ZNF274: variants seen among roughly 807,000 people sequenced by gnomAD.
The protein encoded by ZNF274 is zinc finger protein 274.
Under a neutral mutation model 42.5 loss-of-function variants are expected in ZNF274, and 23 were observed. The observed-to-expected ratio is 0.54, with a 90% CI of 0.39 to 0.77. The LOEUF (loss-of-function observed/expected upper bound fraction) is 0.77, where lower values mean the gene tolerates loss of function less well. Among genes scored for constraint, ZNF274 ranks in the 30% least tolerant of loss-of-function variants. The pLI is 0.00. For synonymous variants in ZNF274, 292 were observed against 305.4 expected (o/e 0.96, Z 0.46); for missense variants, 679 against 806.5 (o/e 0.84, Z 1.91).
intron 4 of ZNF274, among the ~76,000 whole-genome samples, chr19:58,199,706 C>G (rs2075887146): frequency 6.6e-6 from 1 of 152,188 alleles, no homozygotes; most frequent in Non-Finnish European, 1.5e-5. Flanking sequence ...GTGCGAGATT[C>G]CATCTCAAAA....
intron 4 of ZNF274, among the ~76,000 whole-genome samples, chr19:58,195,898 C>T (rs1205418739): frequency 6.6e-6 from 1 of 152,180 alleles, no homozygotes. Flanking sequence ...TGGTAATGCT[C>T]ATTTGCCTGC....
In ZNF274 at chr19:58,212,575, G is replaced by C. The variant is rs368098564; in HGVS notation, c.1394G>C (p.Arg465Pro). 3 of 1,614,014 alleles carry C rather than the reference G, an allele frequency of 1.9e-6. 1 individual carries two copies. In the South Asian group the frequency reaches 3.3e-5, roughly 18 times the overall value. ...GTTAAAAGTATGAAACATAATTCAC[G>C]TGTAAAAATTCATCAGAAGAGCTGT... is the stretch of plus-strand genomic sequence containing the variant. ...SQVKSMKHNS[R>P]VKIHQKSCER... The change falls in exon 8 of 8, where the codon CGT (arginine) becomes CCT (proline). Residue 465 changes from arginine to proline, a missense_variant. By Grantham distance (103) the Arg-to-Pro change is moderately radical. Coordinates refer to ENST00000617501, the MANE Select transcript of ZNF274 (RefSeq NM_133502.3). This position sits in a 1 kb window ranked among gnomAD's most constrained non-coding sequence, Gnocchi z 4.6.
At chr19:58,188,694 G>GTATGTATATATATATATATATATA (rs1555816898) in intron 4 of ZNF274, among the ~76,000 whole-genome samples, 3 of 74,656 alleles carry the variant, frequency 4.0e-5, no homozygotes, top group African/African-American at 5.4e-5. Flanking sequence ...ATATGTATAT[G>GTATGTATATATATATATATATATA]TATATATATA....
At chr19:58,186,005 C>A in intron 3 of ZNF274, 167 bp downstream of exon 3, 1 of 457,466 alleles carries the variant, frequency 2.2e-6, no homozygotes, top group East Asian at 3.8e-5. Context: ...CCCTGAATAC[C>A]AGGGAGATGG....
In ZNF274 at chr19:58,212,866, C is replaced by T; in HGVS notation, c.1685C>T (p.Pro562Leu). 1.2e-6 allele frequency: 2 copies of T among 1,613,976 alleles called. No homozygotes were observed. The highest frequency in any genetic ancestry group is 1.7e-6 in the Non-Finnish European group (2 of 1,179,892). ...QHQRVHSGER[P>L]FECQECGRTF... ...CAGAGAGTTCATTCTGGAGAGAGAC[C>T]ATTTGAATGTCAGGAGTGTGGGAGG... The change falls in exon 8 of 8, where the codon CCA becomes CTA. Residue 562 changes from proline (P) to leucine (L), a missense_variant. Pro to Leu is a moderately conservative substitution (Grantham distance 98). This residue lies in a region of ZNF274 where 456 missense variants were observed against 590.1 expected (regional missense o/e 0.77). Coordinates refer to ENST00000617501, the MANE Select transcript of ZNF274 (RefSeq NM_133502.3). This position sits in a 1 kb window ranked among gnomAD's most constrained non-coding sequence, Gnocchi z 4.6.
intron 4 of ZNF274, among the ~76,000 whole-genome samples, chr19:58,205,443 C>T (rs1245483630): frequency 1.3e-5 from 2 of 152,118 alleles, no homozygotes; most frequent in African/African-American, 4.8e-5. Flanking sequence ...TTATTGGGCC[C>T]AAGCAGCCCT....
At position 58,211,505 on chromosome 19, in the gene ZNF274, C is replaced by T. The variant is rs114856441; in HGVS notation, c.853-55C>T. The T allele has an allele frequency of 1.9e-3, 3,040 of 1,562,792 alleles. 32 individuals carry two copies. In the African/African-American group the frequency reaches 0.029, roughly 15 times the overall value. ...TCCCAGCTGGCCTTTCTTCTGCCCT[C>T]ATTGACAACCCTCTGACCCTCTTGC... On this transcript the variant is annotated intron_variant, in intron 6 of 7. Transcript: ENST00000617501. The surrounding 1 kb of genome is among the most constrained non-coding windows in gnomAD (Gnocchi z 4.8).
chr19:58,212,389 G>C lies in ZNF274; in HGVS notation c.1208G>C (p.Arg403Pro), dbSNP rs575347232. 1.2e-6 allele frequency: 2 copies of C among 1,613,702 alleles called. No homozygotes were observed. Among genetic ancestry groups the C allele is most frequent in the African/African-American group, 2.7e-5 (2 of 74,862 alleles). ...DLPQKKHFDN[R>P]ESQANSGALD... Reference sequence around the variant, plus strand: ...CCTCAGAAGAAGCACTTTGACAACCGTGAGTCCCAGGCAAACAGTGGTGCT... The same window carrying C: ...CCTCAGAAGAAGCACTTTGACAACCCTGAGTCCCAGGCAAACAGTGGTGCT... Residue 403 changes from arginine to proline, a missense_variant, in exon 8 of 8, where the codon CGT becomes CCT. By Grantham distance (103) the Arg-to-Pro change is moderately radical. Around this residue, in one of 2 missense-constraint regions of ZNF274, gnomAD observed 456 missense variants for 590.1 expected, o/e 0.77. Coordinates refer to ENST00000617501, the MANE Select transcript of ZNF274 (RefSeq NM_133502.3). The surrounding 1 kb of genome is among the most constrained non-coding windows in gnomAD (Gnocchi z 4.6).
At chr19:58,190,940 T>C (rs988029607) in intron 4 of ZNF274, among the ~76,000 whole-genome samples, 22 of 152,194 alleles carry the variant, frequency 1.4e-4, no homozygotes, top group Non-Finnish European at 2.8e-4. Flanking sequence ...CCCCCAACCT[T>C]TCTGGGGGCC....
At chr19:58,194,775 A>G (rs2075821095) in intron 4 of ZNF274, among the ~76,000 whole-genome samples, 1 of 152,092 alleles carries the variant, frequency 6.6e-6, no homozygotes, top group Non-Finnish European at 1.5e-5. Context: ...TGGGAGGCCA[A>G]GGCGGGTGGA....
chr19:58,188,676 G>GTGTATATATATA (rs1555816861), intron 4 of ZNF274, among the ~76,000 whole-genome samples: 2 of 79,748 alleles, frequency 2.5e-5, no homozygotes, highest in Non-Finnish European at 2.5e-5. Context: ...GTGTGTGTGT[G>GTGTATATATATA]TATATATATA....
intron 4 of ZNF274, among the ~76,000 whole-genome samples, chr19:58,195,887 A>G (rs1467123774): frequency 6.6e-6 from 1 of 152,132 alleles, no homozygotes; most frequent in Admixed American, 6.5e-5. Flanking sequence ...TGGAGCTCAG[A>G]TGGTAATGCT....
rs1191012941 is a variant in ZNF274, at chr19:58,206,711, G to A, written c.257-9G>A. On this transcript the variant is annotated splice_polypyrimidine_tract_variant and intron_variant, in intron 4 of 7. Transcript: ENST00000617501. The stretch of plus-strand genomic sequence containing the variant: ...TTCTCATTTGTCTTGCTCTGCTTTT[G>A]ACTTACAGAGTATCCTGAGCTCCAG... 6.4e-6 allele frequency: 10 copies of A among 1,555,528 alleles called. No homozygotes were observed. Among genetic ancestry groups the A allele is most frequent in the Non-Finnish European group, 7.8e-6 (9 of 1,149,638 alleles).
chr19:58,207,851 AG>A lies in ZNF274; in HGVS notation c.739+652del, dbSNP rs1418520658. Among the ~76,000 whole-genome samples the A allele has an allele frequency of 6.6e-6, 1 of 152,252 alleles. No homozygotes were observed. The highest frequency in any genetic ancestry group is 1.5e-5 in the Non-Finnish European group (1 of 68,050). On this transcript the variant is annotated intron_variant, in intron 5 of 7. Coordinates refer to ENST00000617501, the MANE Select transcript of ZNF274 (RefSeq NM_133502.3). This position sits in a 1 kb window ranked among gnomAD's most constrained non-coding sequence, Gnocchi z 5.6. ...AAGCAAAATGTTCTTCTAAAACAGTAGGGCTCGATCCCTGAGTTCCAGAAAC... is the reference window on the plus strand; with the variant it reads ...AAGCAAAATGTTCTTCTAAAACAGTAGGCTCGATCCCTGAGTTCCAGAAAC...
At position 58,188,620 on chromosome 19, in the gene ZNF274, AAT is replaced by A. The variant is rs60934983; in HGVS notation, c.256+1603_256+1604del. Reference sequence around the variant, plus strand: ...GACTCCATCTCAAAAAAAAAAAAAAAATATATATATATATATATATATATATG... The same window carrying A: ...GACTCCATCTCAAAAAAAAAAAAAAAATATATATATATATATATATATATG... On this transcript the variant is annotated intron_variant, in intron 4 of 7. Coordinates refer to ENST00000617501, the MANE Select transcript of ZNF274 (RefSeq NM_133502.3). Among the ~76,000 whole-genome samples the A allele has an allele frequency of 9.5e-3, 668 of 70,250 alleles. 8 individuals carry two copies. Among genetic ancestry groups the A allele is most frequent in the East Asian group, 0.026 (83 of 3,240 alleles). 46.1% of individuals were successfully genotyped at this position (70,250 alleles called of 152,430 possible). A position where few individuals can be genotyped will look rare whatever the true frequency, so the allele number is the denominator to read the frequency against.
In ZNF274 at chr19:58,210,028, G is replaced by A. The variant is rs774327143; in HGVS notation, c.807G>A (p.Glu269=). The A allele has an allele frequency of 3.1e-6, 5 of 1,613,708 alleles. No individual in the cohort carries two copies. Among genetic ancestry groups the A allele is most frequent in the Admixed American group, 1.7e-5 (1 of 60,002 alleles). The change falls in exon 6 of 8, where the codon GAG becomes GAA. Residue 269 remains glutamate, a synonymous_variant. Transcript: ENST00000617501. ...TCGAGGTCACTGCCCAGCAGGAGGA[G>A]AAGCAGGAGGATGCAGCCATCTGCC... ...CCLEVTAQQE[E]KQEDAAICPV...
chr19:58,205,396 G>A (rs770519627), intron 4 of ZNF274, among the ~76,000 whole-genome samples: 60 of 152,316 alleles, frequency 3.9e-4, no homozygotes, highest in Middle Eastern at 3.4e-3. Flanking sequence ...CAAGGCTGGA[G>A]TGCAGTGGTG....
chr19:58,185,673 G>A (rs777627328), intron 2 of ZNF274, 39 bp from the exon 3 acceptor site: 7 of 1,393,220 alleles, frequency 5.0e-6, no homozygotes, highest in Non-Finnish European at 6.6e-6. Context: ...TGTCGTGGAT[G>A]CGGATGGCCT....
Position 58,207,572 on chromosome 19 carries a change from G to A in ZNF274, c.739+370G>A, listed in dbSNP as rs2075993556. On this transcript the variant is annotated intron_variant, in intron 5 of 7. Transcript: ENST00000617501. The surrounding 1 kb of genome is among the most constrained non-coding windows in gnomAD (Gnocchi z 5.6). ...AAATGAGAATGCATAGAAAAATGCTGGGACTATGAGGAGCTCGAGGTGATG... is the reference window on the plus strand; with the variant it reads ...AAATGAGAATGCATAGAAAAATGCTAGGACTATGAGGAGCTCGAGGTGATG... Among the ~76,000 whole-genome samples the A allele has an allele frequency of 6.6e-6, 1 of 152,146 alleles. No individual in the cohort carries two copies. Among genetic ancestry groups the A allele is most frequent in the African/African-American group, 2.4e-5 (1 of 41,438 alleles).
Sources: allele counts gnomAD v4.1 joint callset (sites outside exome capture counted in the v4.1 genomes callset), GRCh38; gene constraint gnomAD v4.1.1; regional missense constraint gnomAD v4.1.1; non-coding constraint Gnocchi (gnomAD v3.1); transcripts MANE v1.5; gene names NCBI Gene and HGNC (gene_info 2026-07-23, HGNC 2026-07-21).